TRPM3: variants seen among roughly 807,000 people sequenced by gnomAD.
The protein encoded by TRPM3 is transient receptor potential cation channel subfamily M member 3.
TRPM3 carries 77 observed loss-of-function variants against 181.2 expected under a neutral mutation model. The ratio of observed to expected loss-of-function variants is 0.42; its 90% CI spans 0.35 to 0.51. TRPM3 has a LOEUF of 0.51. Among genes scored for constraint, TRPM3 ranks in the 20% least tolerant of loss-of-function variants. TRPM3 has a pLI of 0.01. For missense variants in TRPM3, 1,759 were observed against 2,196.7 expected, an observed-to-expected ratio of 0.80 and a Z score of 3.98; for synonymous variants, 745 against 796.4, an observed-to-expected ratio of 0.94 and a Z score of 1.09.
At chr9:70,620,819 C>T (rs1375228855) in intron 15 of TRPM3, among the ~76,000 whole-genome samples, 1 of 151,902 alleles carries the variant, frequency 6.6e-6, no homozygotes, top group Non-Finnish European at 1.5e-5. Context: ...AGATGCATTT[C>T]TGAAGTAGTT....
intron 1 of TRPM3, among the ~76,000 whole-genome samples, chr9:71,288,065 A>C (rs997332298): frequency 6.6e-6 from 1 of 152,108 alleles, no homozygotes; most frequent in Non-Finnish European, 1.5e-5. Flanking sequence ...AATATTTTTA[A>C]AATGTTAAAT....
chr9:71,165,708 T>C (rs2076508724), intron 1 of TRPM3, among the ~76,000 whole-genome samples: 2 of 152,250 alleles, frequency 1.3e-5, no homozygotes, highest in South Asian at 4.2e-4. Context: ...TCACTCATCA[T>C]TACCCTAATC....
At chr9:71,136,232 A>C (rs2074758254) in intron 1 of TRPM3, among the ~76,000 whole-genome samples, 1 of 152,234 alleles carries the variant, frequency 6.6e-6, no homozygotes, top group Admixed American at 6.5e-5. Context: ...GATAAGCTGA[A>C]AACATCAATT....
chr9:70,881,829 G>C (rs976932208), intron 1 of TRPM3, among the ~76,000 whole-genome samples: 5 of 152,178 alleles, frequency 3.3e-5, no homozygotes, highest in Middle Eastern at 3.4e-3. Context: ...CAACTTTTCT[G>C]TTGTTTCCTG....
chr9:71,265,151 A>AAC (rs1224622663), intron 1 of TRPM3, among the ~76,000 whole-genome samples: 3 of 152,332 alleles, frequency 2.0e-5, no homozygotes, highest in African/African-American at 7.2e-5. Context: ...GCAAAGAAAA[A>AAC]ACATAAAAGT....
Position 70,939,731 on chromosome 9 carries a change from A to G in TRPM3, c.178-75220T>C, listed in dbSNP as rs571676801. On this transcript the variant is annotated intron_variant, in intron 1 of 25. Coordinates refer to ENST00000677713, the MANE Select transcript of TRPM3 (RefSeq NM_001366145.2). ...TGCTGAATTAGGAAATAGGGTTGCT[A>G]CAGCTTTTTCCAAGCATCTTTGTTT... Among the ~76,000 whole-genome samples the G allele has an allele frequency of 3.3e-5, 5 of 152,356 alleles. No homozygotes were observed. The South Asian group carries it at 1.0e-3, about 32-fold the overall frequency.
At chr9:71,007,568 T>C (rs2097693457) in intron 1 of TRPM3, among the ~76,000 whole-genome samples, 1 of 152,106 alleles carries the variant, frequency 6.6e-6, no homozygotes, top group Non-Finnish European at 1.5e-5. Flanking sequence ...ACAGGAGGAA[T>C]GTTAGAAAGT....
At chr9:71,199,875 A>G (rs2131720989) in intron 1 of TRPM3, among the ~76,000 whole-genome samples, 1 of 151,612 alleles carries the variant, frequency 6.6e-6, no homozygotes, top group South Asian at 2.1e-4. Flanking sequence ...TATTTCCTTC[A>G]GTTCTGCTCT....
In TRPM3 at chr9:71,333,620, C is replaced by T. The variant is rs75812300; in HGVS notation, c.183+113033G>A. 2.0e-4 allele frequency among the ~76,000 whole-genome samples: 31 copies of T among 152,002 alleles called. 1 individual carries two copies. In the East Asian group the frequency reaches 5.4e-3, roughly 27 times the overall value. ...AGGAACGGAATTCCTCCAACAACCA[C>T]GGGAGTCAGCTGAAATAGTCCTCTT... is the stretch of plus-strand genomic sequence containing the variant. On this transcript the variant is annotated intron_variant, in intron 1 of 24. Transcript: ENST00000357533.
intron 1 of TRPM3, among the ~76,000 whole-genome samples, chr9:71,221,478 T>A (rs1251850412): frequency 6.6e-6 from 1 of 152,196 alleles, no homozygotes; most frequent in African/African-American, 2.4e-5. Context: ...TATTGAGCAA[T>A]TTTATGTTTT....
At chr9:70,979,811 T>C (rs1169158274) in intron 1 of TRPM3, among the ~76,000 whole-genome samples, 4 of 152,180 alleles carry the variant, frequency 2.6e-5, no homozygotes, top group Non-Finnish European at 4.4e-5. Context: ...GTTTTGTTTC[T>C]CATGGGGGCT....
At chr9:71,277,113 G>A (rs556288678) in intron 1 of TRPM3, among the ~76,000 whole-genome samples, 60 of 149,174 alleles carry the variant, frequency 4.0e-4, no homozygotes, top group Non-Finnish European at 7.7e-4. Flanking sequence ...TAATATTTAG[G>A]AATTCCAAAA....
chr9:71,094,051 A>C (rs1210340857), intron 1 of TRPM3, among the ~76,000 whole-genome samples: 1 of 138,982 alleles, frequency 7.2e-6, no homozygotes, highest in Admixed American at 7.4e-5. Context: ...ACACATGGAC[A>C]CAGGGAGGGG....
chr9:71,118,913 C>T (rs1475530304), intron 1 of TRPM3, among the ~76,000 whole-genome samples: 1 of 152,088 alleles, frequency 6.6e-6, no homozygotes, highest in African/African-American at 2.4e-5. Flanking sequence ...TTTACCAAAA[C>T]ATGCAAATTA....
intron 19 of TRPM3, among the ~76,000 whole-genome samples, chr9:70,609,949 A>ATAAT (rs1353574676): frequency 6.6e-6 from 1 of 152,192 alleles, no homozygotes; most frequent in Non-Finnish European, 1.5e-5. Flanking sequence ...TAGAGAACCA[A>ATAAT]TAATTGAACA....
intron 1 of TRPM3, among the ~76,000 whole-genome samples, chr9:71,187,851 C>A (rs1377788260): frequency 2.0e-5 from 3 of 151,570 alleles, no homozygotes; most frequent in African/African-American, 7.3e-5. Context: ...TCTTCTGCAA[C>A]TCTCTGAACA....
chr9:70,964,334 A>C (rs1176075649), intron 1 of TRPM3, among the ~76,000 whole-genome samples: 1 of 152,122 alleles, frequency 6.6e-6, no homozygotes, highest in East Asian at 1.9e-4. Flanking sequence ...ACTTAAGTTA[A>C]TGAGTTAATT....
intron 1 of TRPM3, among the ~76,000 whole-genome samples, chr9:71,279,239 C>A (rs2084501452): frequency 6.6e-6 from 1 of 151,952 alleles, no homozygotes; most frequent in East Asian, 1.9e-4. Flanking sequence ...AGGAGGGCAA[C>A]CCCTTCCTGT....
chr9:70,544,235 T>C, intron 25 of TRPM3, among the ~76,000 whole-genome samples: 1 of 152,228 alleles, frequency 6.6e-6, no homozygotes, highest in Non-Finnish European at 1.5e-5. Flanking sequence ...CTAGAAATTA[T>C]GTAAATTTGA....
Sources: allele counts gnomAD v4.1 joint callset (sites outside exome capture counted in the v4.1 genomes callset), GRCh38; gene constraint gnomAD v4.1.1; transcripts MANE v1.5; gene names NCBI Gene and HGNC (gene_info 2026-07-23, HGNC 2026-07-21).